GLYCTK: variants seen among roughly 807,000 people sequenced by gnomAD.
The protein encoded by GLYCTK is glycerate kinase.
In GLYCTK, 22 loss-of-function variants were observed where a neutral mutation model predicts 24.8. That is an observed-to-expected ratio of 0.89 (90% confidence interval 0.63 to 1.27). GLYCTK has a LOEUF of 1.27. GLYCTK is among the 50% of genes most tolerant of loss of function. The pLI is 0.00. For synonymous variants in GLYCTK, 320 were observed against 297.2 expected (o/e 1.08, Z -0.79); for missense variants, 684 against 686.7 (o/e 1.00, Z 0.04).
chr3:52,290,213 G>A, intron 1 of GLYCTK, 91 bp from the exon 2 acceptor site: 1 of 1,031,064 alleles, frequency 9.7e-7, no homozygotes, highest in Non-Finnish European at 1.4e-6. Flanking sequence ...CAGCTGTGGG[G>A]TCCACTGGCC....
rs753867724 is a variant in GLYCTK at position 52,292,521 on chromosome 3, G to A, written c.967G>A (p.Ala323Thr). The change falls in exon 5 of 5, where the codon GCC (alanine) becomes ACC (threonine). Residue 323 changes from alanine to threonine, a missense_variant. Coordinates refer to ENST00000436784, the MANE Select transcript of GLYCTK (RefSeq NM_145262.4). ...GGCGCTAGCTGAGGCCCAGCGGCAG[G>A]CCGAGGCACTGGGCTACCAGGCTGT... is the stretch of plus-strand genomic sequence containing the variant. ...VLALAEAQRQ[A>T]EALGYQAVVL... The A allele has an allele frequency of 2.0e-5, 32 of 1,613,802 alleles. No individual in the cohort carries two copies. The East Asian group carries it at 2.2e-4, about 11-fold the overall frequency.
chr3:52,291,044 T>C lies in GLYCTK; in HGVS notation c.462T>C (p.Ala154=), dbSNP rs775075894. 6 of 1,613,760 alleles carry C rather than the reference T, an allele frequency of 3.7e-6. 1 individual carries two copies. In the South Asian group the frequency reaches 6.6e-5, roughly 18 times the overall value. Residue 154 remains alanine, a synonymous_variant, in exon 3 of 5, where the codon GCT becomes GCC. Transcript: ENST00000436784. The part of the protein sequence containing the change: ...DNLPDRDALR[A]ALAIQQLAEG... The stretch of plus-strand genomic sequence containing the variant: ...TCCCGGACCGCGATGCGCTGCGGGC[T>C]GCACTGGCCATCCAGCAACTGGCTG...
At position 52,293,293 on chromosome 3, in the gene GLYCTK, C is replaced by T. The variant is rs1225322450; in HGVS notation, c.*167C>T. On this transcript the variant is annotated 3_prime_UTR_variant, in exon 5 of 5. Coordinates refer to ENST00000436784, the MANE Select transcript of GLYCTK (RefSeq NM_145262.4). ...TCCACTCAGGGCCTCTGCTCTATAT[C>T]TATTCCCTTCCAGCCAGACTGGCAG... The T allele has an allele frequency of 2.7e-6, 2 of 751,846 alleles. No homozygotes were observed. The highest frequency in any genetic ancestry group is 4.6e-6 in the Non-Finnish European group (2 of 430,866). 46.6% of individuals were successfully genotyped at this position (751,846 alleles called of 1,614,324 possible). A position where few individuals can be genotyped will look rare whatever the true frequency, so the allele number is the denominator to read the frequency against.
At chr3:52,292,238 T>A (rs958066187) in intron 4 of GLYCTK, 22 bp from the exon 5 acceptor site, 1 of 1,613,556 alleles carries the variant, frequency 6.2e-7, no homozygotes. Context: ...GGCCTGAGCC[T>A]TGTCTGGTGG....
rs1207749258 is a variant in GLYCTK at position 52,291,253 on chromosome 3, C to T, written c.529+142C>T. 7 of 1,069,158 alleles carry T rather than the reference C, an allele frequency of 6.5e-6. No homozygotes were observed. In the African/African-American group the frequency reaches 1.1e-4, roughly 17 times the overall value. The allele number at this position is 1,069,158 out of a possible 1,614,324, so 66.2% of individuals were successfully genotyped here. ...AGGTGGTGAGGAGCCTGGATGGTGACTCCTGGGTTGCCTTGGGCTAGTCGT... is the reference window on the plus strand; with the variant it reads ...AGGTGGTGAGGAGCCTGGATGGTGATTCCTGGGTTGCCTTGGGCTAGTCGT... On this transcript the variant is annotated intron_variant, in intron 3 of 4. Transcript: ENST00000436784.
Position 52,292,924 on chromosome 3 carries a change from C to T in GLYCTK, c.1370C>T (p.Pro457Leu). ...GGTGGCACCGATGGGCAGGATGGGC[C>T]CACAGAGGCTGCTGGGGCCTGGGTC... Reference protein sequence around the residue: ...LSGGTDGQDGPTEAAGAWVTP... With the variant: ...LSGGTDGQDGLTEAAGAWVTP... The change falls in exon 5 of 5, where the codon CCC (proline) becomes CTC (leucine). Residue 457 changes from proline (P) to leucine (L), a missense_variant. Coordinates refer to ENST00000436784, the MANE Select transcript of GLYCTK (RefSeq NM_145262.4). 6.2e-7 allele frequency: 1 copy of T among 1,614,076 alleles called. No individual in the cohort carries two copies. Among genetic ancestry groups the T allele is most frequent in the Non-Finnish European group, 8.5e-7 (1 of 1,180,028 alleles).
Position 52,293,307 on chromosome 3 carries a change from C to A in GLYCTK, c.*181C>A. On this transcript the variant is annotated 3_prime_UTR_variant, in exon 5 of 5. Coordinates refer to ENST00000436784, the MANE Select transcript of GLYCTK (RefSeq NM_145262.4). The stretch of plus-strand genomic sequence containing the variant: ...CTGCTCTATATCTATTCCCTTCCAG[C>A]CAGACTGGCAGATGGGGGCTTCCCC... 1 of 736,178 alleles carries A rather than the reference C, an allele frequency of 1.4e-6. No homozygotes were observed. Among genetic ancestry groups the A allele is most frequent in the Non-Finnish European group, 2.4e-6 (1 of 416,792 alleles). 45.6% of individuals were successfully genotyped at this position (736,178 alleles called of 1,614,324 possible). A position where few individuals can be genotyped will look rare whatever the true frequency, so the allele number is the denominator to read the frequency against.
intron 3 of GLYCTK, 32 bp downstream of exon 3, chr3:52,291,143 T>TG (rs35158577): frequency 1.2e-6 from 2 of 1,603,600 alleles, no homozygotes; most frequent in African/African-American, 1.3e-5. Flanking sequence ...AGACTGTTGG[T>TG]GGGGGGTGCA....
In GLYCTK at chr3:52,293,687, A is replaced by T. The variant is rs1447321313; in HGVS notation, c.*561A>T. 2.2e-6 allele frequency: 1 copy of T among 454,078 alleles called. No homozygotes were observed. The highest frequency in any genetic ancestry group is 1.6e-5 in the South Asian group (1 of 64,478). 28.1% of individuals were successfully genotyped at this position (454,078 alleles called of 1,614,324 possible). On this transcript the variant is annotated 3_prime_UTR_variant, in exon 5 of 5. Transcript: ENST00000436784. The stretch of plus-strand genomic sequence containing the variant: ...TTGAGCTTGGCTCCTGACAGCTTTG[A>T]TGTGCGTGAGCAGAGACCCCAGGGA...
At chr3:52,290,118 C>G (rs1700412149) in intron 1 of GLYCTK, 186 bp from the exon 2 acceptor site, 2 of 587,958 alleles carry the variant, frequency 3.4e-6, no homozygotes, top group African/African-American at 1.9e-5. Context: ...GGTGGCAGGG[C>G]TGGTCTCCAA....
chr3:52,294,221 T>G lies in GLYCTK; in HGVS notation c.*1095T>G. 1 of 534,698 alleles carries G rather than the reference T, an allele frequency of 1.9e-6. No homozygotes were observed. Among genetic ancestry groups the G allele is most frequent in the Non-Finnish European group, 3.8e-6 (1 of 260,074 alleles). 33.1% of individuals were successfully genotyped at this position (534,698 alleles called of 1,614,324 possible). On this transcript the variant is annotated 3_prime_UTR_variant, in exon 5 of 5. Coordinates refer to ENST00000436784, the MANE Select transcript of GLYCTK (RefSeq NM_145262.4). ...CAGTGTCAGAACCCTCCGCTGGCTG[T>G]CCCCGCCGTGCGCCACGGCTCCAAT... is the stretch of plus-strand genomic sequence containing the variant.
chr3:52,292,458 G>A lies in GLYCTK; in HGVS notation c.904G>A (p.Gly302Ser). The A allele has an allele frequency of 6.2e-7, 1 of 1,613,036 alleles. No homozygotes were observed. Among genetic ancestry groups the A allele is most frequent in the Non-Finnish European group, 8.5e-7 (1 of 1,179,742 alleles). ...TGACCCCCATGGGCCACACACCTGT[G>A]GCCATGTCCTGAATGTGATCATTGG... ...DSDPHGPHTCGHVLNVIIGSN... is the reference protein window; with the variant it reads ...DSDPHGPHTCSHVLNVIIGSN... Residue 302 changes from glycine to serine, a missense_variant, in exon 5 of 5, where the codon GGC (glycine) becomes AGC (serine). Coordinates refer to ENST00000436784, the MANE Select transcript of GLYCTK (RefSeq NM_145262.4).
Position 52,287,849 on chromosome 3 carries a change from T to A in GLYCTK, c.-67T>A. ...CCCTAGTACTTCCGTTCTCCAGCGCTGGGCACCGCGGCCGGAGCTGTGGGC... is the reference window on the plus strand; with the variant it reads ...CCCTAGTACTTCCGTTCTCCAGCGCAGGGCACCGCGGCCGGAGCTGTGGGC... On this transcript the variant is annotated 5_prime_UTR_variant, in exon 1 of 5. Coordinates refer to ENST00000436784, the MANE Select transcript of GLYCTK (RefSeq NM_145262.4). 1 of 452,820 alleles carries A rather than the reference T, an allele frequency of 2.2e-6. No individual in the cohort carries two copies. The highest frequency in any genetic ancestry group is 4.4e-6 in the Non-Finnish European group (1 of 226,028). The allele number at this position is 452,820 out of a possible 1,614,324, so 28.1% of individuals were successfully genotyped here. A position where few individuals can be genotyped will look rare whatever the true frequency, so the allele number is the denominator to read the frequency against.
intron 3 of GLYCTK, 93 bp from the exon 4 acceptor site, chr3:52,291,654 C>A: frequency 8.1e-7 from 1 of 1,231,062 alleles, no homozygotes; most frequent in Non-Finnish European, 1.2e-6. Flanking sequence ...ACCTTTCCAG[C>A]CCCCTTTTTC....
At position 52,290,371 on chromosome 3, in the gene GLYCTK, G is replaced by A. The variant is rs746754230; in HGVS notation, c.29G>A (p.Arg10His). ...GCTGCAGCCCTGCAGGTCCTGCCCC[G>A]CTTGGCCCGAGCCCCCTTGCATCCA... MAAALQVLP[R>H]LARAPLHPLL... The change falls in exon 2 of 5, where the codon CGC (arginine) becomes CAC (histidine). Residue 10 changes from arginine to histidine, a missense_variant. Transcript: ENST00000436784. 14 of 1,600,970 alleles carry A rather than the reference G, an allele frequency of 8.7e-6. No homozygotes were observed. Among genetic ancestry groups the A allele is most frequent in the East Asian group, 4.5e-5 (2 of 44,856 alleles).
At position 52,295,164 on chromosome 3, in the gene GLYCTK, A is replaced by G. The variant is rs1289543978; in HGVS notation, c.*2038A>G. On this transcript the variant is annotated 3_prime_UTR_variant, in exon 5 of 5. Transcript: ENST00000436784. ...GAGATAAGAAAGGATGTATTTGGCCACAGTCTAAATGCTGAGATGAGAAAA... is the reference window on the plus strand; with the variant it reads ...GAGATAAGAAAGGATGTATTTGGCCGCAGTCTAAATGCTGAGATGAGAAAA... The G allele has an allele frequency of 1.5e-5, 7 of 454,034 alleles. No individual in the cohort carries two copies. Among genetic ancestry groups the G allele is most frequent in the African/African-American group, 1.4e-4 (7 of 50,020 alleles). The allele number at this position is 454,034 out of a possible 1,614,324, so 28.1% of individuals were successfully genotyped here.
At position 52,293,427 on chromosome 3, in the gene GLYCTK, C is replaced by T. The variant is rs1333879223; in HGVS notation, c.*301C>T. 1 of 629,662 alleles carries T rather than the reference C, an allele frequency of 1.6e-6. No individual in the cohort carries two copies. The highest frequency in any genetic ancestry group is 3.0e-6 in the Non-Finnish European group (1 of 338,212). The allele number at this position is 629,662 out of a possible 1,614,324, so 39.0% of individuals were successfully genotyped here. ...CTCTCTTGAGCCCCTCACCCTGTTT[C>T]TTTCTGTGAAGCGAGAATGTCTGAA... is the stretch of plus-strand genomic sequence containing the variant. On this transcript the variant is annotated 3_prime_UTR_variant, in exon 5 of 5. Coordinates refer to ENST00000436784, the MANE Select transcript of GLYCTK (RefSeq NM_145262.4).
At chr3:52,290,848 T>A in intron 2 of GLYCTK, 112 bp from the exon 3 acceptor site, 1 of 1,581,516 alleles carries the variant, frequency 6.3e-7, no homozygotes, top group South Asian at 1.1e-5. Flanking sequence ...GGCCCCAGGA[T>A]GCATGTCAGT....
chr3:52,290,268 C>G (rs1040610167), intron 1 of GLYCTK, 36 bp from the exon 2 acceptor site: 6 of 1,536,634 alleles, frequency 3.9e-6, no homozygotes, highest in Non-Finnish European at 5.3e-6. Flanking sequence ...CTGTCTTTTG[C>G]CTTGCAAGGG....
Sources: gnomAD v4.1 joint callset for allele counts on GRCh38, gnomAD v4.1.1 for gene constraint, MANE v1.5 for transcripts, NCBI Gene and HGNC (gene_info 2026-07-23, HGNC 2026-07-21) for gene names.